Variants in METTL25 observed in about 807,000 individuals in gnomAD.
The protein encoded by METTL25 is methyltransferase like 25, also known as probable methyltransferase-like protein 25.
A neutral mutation model predicts 71.6 loss-of-function variants in METTL25; 64 were observed. The observed-to-expected ratio is 0.89, with a 90% confidence interval of 0.73 to 1.10. The LOEUF (loss-of-function observed/expected upper bound fraction) is 1.10. METTL25 is among the 50% of genes least tolerant of loss of function. METTL25 has a pLI of 0.00. For missense variants in METTL25, 807 were observed against 707.0 expected, an observed-to-expected ratio of 1.14 and a Z score of -1.60; for synonymous variants, 287 against 250.3, an observed-to-expected ratio of 1.15 and a Z score of -1.38.
chr12:82,379,183 A>G (rs1405263524), intron 1 of METTL25, among the ~76,000 whole-genome samples: 3 of 152,200 alleles, frequency 2.0e-5, no homozygotes, highest in Non-Finnish European at 4.4e-5. Context: ...AGGTAGTGAC[A>G]TTTTGAGGTG....
chr12:82,372,177 C>T (rs2097284250), intron 1 of METTL25, among the ~76,000 whole-genome samples: 1 of 152,180 alleles, frequency 6.6e-6, no homozygotes, highest in Non-Finnish European at 1.5e-5. Context: ...CATCCATATA[C>T]CTATCAGGAT....
At chr12:82,472,534 T>C (rs1223032535) in intron 9 of METTL25, among the ~76,000 whole-genome samples, 3 of 152,036 alleles carry the variant, frequency 2.0e-5, no homozygotes, top group South Asian at 2.1e-4. Context: ...GGAGGCGGAG[T>C]TTGCAGTGAG....
intron 6 of METTL25, among the ~76,000 whole-genome samples, chr12:82,433,008 A>T (rs78783778): frequency 6.6e-6 from 1 of 151,578 alleles, no homozygotes; most frequent in Non-Finnish European, 1.5e-5. Context: ...AAAACTTCTA[A>T]ATTATTCCAG....
intron 2 of METTL25, among the ~76,000 whole-genome samples, chr12:82,387,715 GCA>G (rs34068056): frequency 3.3e-5 from 5 of 150,560 alleles, no homozygotes; most frequent in African/African-American, 7.3e-5. Context: ...ACACACACGC[GCA>G]CACACACACA....
intron 1 of METTL25, among the ~76,000 whole-genome samples, chr12:82,378,669 TTTAG>T (rs1781230450): frequency 6.6e-6 from 1 of 152,146 alleles, no homozygotes; most frequent in Non-Finnish European, 1.5e-5. Flanking sequence ...TTATTAGTAA[TTTAG>T]TTATGTTTAA....
chr12:82,388,391 G>A (rs1885249905), intron 2 of METTL25, among the ~76,000 whole-genome samples: 1 of 151,988 alleles, frequency 6.6e-6, no homozygotes, highest in South Asian at 2.1e-4. Flanking sequence ...GGGCTGTTTG[G>A]TGAATTATGG....
Position 82,392,802 on chromosome 12 carries a change from G to A in METTL25, c.531+2880G>A, listed in dbSNP as rs1202237650. On this transcript the variant is annotated intron_variant, in intron 3 of 11. Transcript: ENST00000248306. Reference sequence around the variant, plus strand: ...TTAAGTCTTTAATCCATTTTGATTTGATTTTTGTATATGGTGAGAGATAGG... The same window carrying A: ...TTAAGTCTTTAATCCATTTTGATTTAATTTTTGTATATGGTGAGAGATAGG... Among the ~76,000 whole-genome samples, 3 of 151,946 alleles carry A rather than the reference G, an allele frequency of 2.0e-5. No individual in the cohort carries two copies. In the East Asian group the frequency reaches 5.8e-4, roughly 29 times the overall value.
intron 8 of METTL25, among the ~76,000 whole-genome samples, chr12:82,440,012 C>G (rs549421726): frequency 6.6e-6 from 1 of 152,036 alleles, no homozygotes; most frequent in East Asian, 1.9e-4. Context: ...GAAGACTTTT[C>G]TTCCTTAGCC....
intron 4 of METTL25, among the ~76,000 whole-genome samples, chr12:82,399,936 A>T (rs1295030619): frequency 8.7e-6 from 1 of 115,146 alleles, no homozygotes; most frequent in African/African-American, 3.4e-5. Flanking sequence ...CGTTTGGCCT[A>T]ACTCATTGTC....
rs755301308 is a variant in METTL25, at chr12:82,384,829, GCTAA to G, written c.260-1970_260-1967del. Among the ~76,000 whole-genome samples the G allele has an allele frequency of 2.0e-3, 307 of 151,968 alleles. 1 individual carries two copies. Among genetic ancestry groups the G allele is most frequent in the Non-Finnish European group, 2.4e-3 (165 of 67,936 alleles). ...TTTCTTTTGGCAACATTGTCCAATAGCTAACTATTATAATGGTCCCTTTGCACTT... is the reference window on the plus strand; with the variant it reads ...TTTCTTTTGGCAACATTGTCCAATAGCTATTATAATGGTCCCTTTGCACTT... On this transcript the variant is annotated intron_variant, in intron 1 of 11. Coordinates refer to ENST00000248306, the MANE Select transcript of METTL25 (RefSeq NM_032230.3).
intron 5 of METTL25, among the ~76,000 whole-genome samples, chr12:82,424,542 CTATA>C (rs34300467): frequency 2.7e-3 from 405 of 148,472 alleles, no homozygotes; most frequent in African/African-American, 6.7e-3. Flanking sequence ...TAATATAAAA[CTATA>C]TATATATATA....
intron 5 of METTL25, among the ~76,000 whole-genome samples, chr12:82,423,548 T>G (rs1441115799): frequency 6.6e-6 from 1 of 152,198 alleles, no homozygotes; most frequent in Non-Finnish European, 1.5e-5. Context: ...AAATGGGATC[T>G]AATTAAGCTA....
At chr12:82,359,123 G>A (rs528492590) in intron 1 of METTL25, among the ~76,000 whole-genome samples, 47 of 152,176 alleles carry the variant, frequency 3.1e-4, no homozygotes, top group Non-Finnish European at 6.0e-4. Context: ...GGGAAACTAG[G>A]GGAGCAGTGC....
At chr12:82,411,983 G>A (rs562453511) in intron 5 of METTL25, among the ~76,000 whole-genome samples, 27 of 151,922 alleles carry the variant, frequency 1.8e-4, no homozygotes, top group African/African-American at 5.8e-4. Context: ...TCTTCCAAAC[G>A]TGCGATCTTT....
intron 1 of METTL25, among the ~76,000 whole-genome samples, chr12:82,362,956 G>A (rs570836300): frequency 6.6e-6 from 1 of 152,272 alleles, no homozygotes; most frequent in South Asian, 2.1e-4. Flanking sequence ...TGATTGATTG[G>A]GTAGGAAGTC....
intron 9 of METTL25, among the ~76,000 whole-genome samples, chr12:82,464,420 G>T (rs372938005): frequency 6.6e-6 from 1 of 151,986 alleles, no homozygotes; most frequent in African/African-American, 2.4e-5. Flanking sequence ...TTAGTTGACT[G>T]CAGACACATG....
intron 8 of METTL25, among the ~76,000 whole-genome samples, chr12:82,450,727 C>A (rs552301851): frequency 2.7e-4 from 41 of 152,216 alleles, no homozygotes; most frequent in Admixed American, 1.6e-3. Context: ...GTGCCAGATA[C>A]GCTAATTTCC....
chr12:82,386,957 C>G lies in METTL25; in HGVS notation c.414C>G (p.Asn138Lys), dbSNP rs769169012. The G allele has an allele frequency of 1.2e-5, 19 of 1,612,082 alleles. No homozygotes were observed. The African/African-American group carries it at 2.5e-4, about 22-fold the overall frequency. ...TTGTAGCCCTTCGAGGAAATCAAAA[C>G]CAGAGAATTGGTATGTCTATTTATG... Reference protein sequence around the residue: ...QLLVALRGNQNQRIGENQKAV... With the variant: ...QLLVALRGNQKQRIGENQKAV... Residue 138 changes from asparagine (N) to lysine (K), a missense_variant, in exon 2 of 12, where the codon AAC becomes AAG. Physicochemically the swap from Asn to Lys is moderately conservative, Grantham distance 94. Coordinates refer to ENST00000248306, the MANE Select transcript of METTL25 (RefSeq NM_032230.3).
chr12:82,448,225 A>G (rs1890893763), intron 8 of METTL25, among the ~76,000 whole-genome samples: 1 of 152,104 alleles, frequency 6.6e-6, no homozygotes, highest in Admixed American at 6.6e-5. Context: ...TCCAGTAATA[A>G]TACTGTTTTA....
Sources: gnomAD v4.1 joint callset for allele counts (sites outside exome capture counted in the v4.1 genomes callset) on GRCh38, gnomAD v4.1.1 for gene constraint, MANE v1.5 for transcripts, NCBI Gene and HGNC (gene_info 2026-07-23, HGNC 2026-07-21) for gene names.